Variants in KIF26B observed in about 807,000 individuals in gnomAD.
KIF26B encodes the protein kinesin family member 26B, also known as kinesin-like protein KIF26B.
KIF26B carries 63 observed loss-of-function variants against 151.2 expected under a neutral mutation model. The ratio of observed to expected loss-of-function variants is 0.42; its 90% CI spans 0.34 to 0.51. The LOEUF (loss-of-function observed/expected upper bound fraction) is 0.51, where lower values mean the gene tolerates loss of function less well. KIF26B is among the 20% of genes least tolerant of loss of function. The pLI is 0.07. For synonymous variants in KIF26B, 1,357 were observed against 1,262.1 expected (o/e 1.08, Z -1.59); for missense variants, 2,813 against 2,913.6 (o/e 0.97, Z 0.79).
intron 9 of KIF26B, among the ~76,000 whole-genome samples, chr1:245,632,114 A>C (rs2043787245): frequency 6.6e-6 from 1 of 151,906 alleles, no homozygotes; most frequent in Non-Finnish European, 1.5e-5. Context: ...GTTCCTTGAG[A>C]TGCATCATTC....
chr1:245,405,971 T>C (rs1398680226), intron 3 of KIF26B, among the ~76,000 whole-genome samples: 1 of 152,226 alleles, frequency 6.6e-6, no homozygotes, highest in Non-Finnish European at 1.5e-5. Context: ...TTTCCCAGTT[T>C]GGTAGGGAAT....
At chr1:245,575,595 T>A (rs914965950) in intron 5 of KIF26B, among the ~76,000 whole-genome samples, 1 of 152,172 alleles carries the variant, frequency 6.6e-6, no homozygotes, top group African/African-American at 2.4e-5. Context: ...ATATGTCAGG[T>A]TGCTGGAGTT....
chr1:245,447,263 C>T (rs1283252359), intron 4 of KIF26B, among the ~76,000 whole-genome samples: 1 of 152,158 alleles, frequency 6.6e-6, no homozygotes, highest in Non-Finnish European at 1.5e-5. Flanking sequence ...GTGCTAAGGA[C>T]TCATGGGTAA....
intron 2 of KIF26B, among the ~76,000 whole-genome samples, chr1:245,208,127 C>G (rs754635174): frequency 4.5e-4 from 68 of 152,198 alleles, no homozygotes; most frequent in Non-Finnish European, 7.8e-4. Flanking sequence ...CTATTCTCAC[C>G]TCTGTGCCAG....
chr1:245,698,909 A>G lies in KIF26B; in HGVS notation c.6050A>G (p.Lys2017Arg), dbSNP rs372363083. ...ASKEAMCFNA[K>R]LKILEHRQQR... ...TAGGAGGCCATGTGCTTCAATGCAAAGCTGAAGATTCTGGAACACCGCCAG... is the reference window on the plus strand; with the variant it reads ...TAGGAGGCCATGTGCTTCAATGCAAGGCTGAAGATTCTGGAACACCGCCAG... Residue 2017 changes from lysine (K) to arginine (R), a missense_variant, in exon 14 of 15, where the codon AAG becomes AGG. Physicochemically the swap from Lys to Arg is conservative, Grantham distance 26 (BLOSUM62 2). This residue lies in a region of KIF26B where 2,060 missense variants were observed against 2,088.6 expected (regional missense o/e 0.99). Coordinates refer to ENST00000407071, the MANE Select transcript of KIF26B (RefSeq NM_018012.4). The surrounding 1 kb of genome is among the most constrained non-coding windows in gnomAD (Gnocchi z 4.0). The G allele has an allele frequency of 6.2e-6, 10 of 1,613,902 alleles. No homozygotes were observed. The East Asian group carries it at 1.6e-4, about 25-fold the overall frequency.
intron 3 of KIF26B, among the ~76,000 whole-genome samples, chr1:245,403,648 G>A (rs1674062543): frequency 6.6e-6 from 1 of 151,834 alleles, no homozygotes; most frequent in African/African-American, 2.4e-5. Context: ...TGTTTCTTTG[G>A]CCTCCTCTCA....
chr1:245,322,517 T>C (rs1179451347), intron 2 of KIF26B, among the ~76,000 whole-genome samples: 1 of 152,194 alleles, frequency 6.6e-6, no homozygotes, highest in African/African-American at 2.4e-5. Flanking sequence ...TTTTTTGTGA[T>C]TGAAGAAACG....
intron 4 of KIF26B, among the ~76,000 whole-genome samples, chr1:245,478,648 C>A (rs1222203546): frequency 1.3e-5 from 2 of 151,670 alleles, no homozygotes; most frequent in Non-Finnish European, 3.0e-5. Context: ...GATCTCCTGA[C>A]TTGTGGTCCA....
chr1:245,707,939 A>C lies in KIF26B; in HGVS notation c.*5333A>C, dbSNP rs1048578298. On this transcript the variant is annotated 3_prime_UTR_variant, in exon 15 of 15. Transcript: ENST00000407071. ...CATCCAACCCCTAGTGCTACTGAAG[A>C]GGGTTTGGGAAAGCAATTGGAGTTC... The C allele has an allele frequency of 1.3e-5, 2 of 152,220 alleles. No individual in the cohort carries two copies. The highest frequency in any genetic ancestry group is 4.8e-5 in the African/African-American group (2 of 41,460). The allele number at this position is 152,220 out of a possible 1,614,324, so 9.4% of individuals were successfully genotyped here. A position where few individuals can be genotyped will look rare whatever the true frequency, so the allele number is the denominator to read the frequency against.
chr1:245,203,597 G>A (rs942096908), intron 2 of KIF26B, among the ~76,000 whole-genome samples: 2 of 152,168 alleles, frequency 1.3e-5, no homozygotes, highest in Admixed American at 6.5e-5. Context: ...TTGCCACACC[G>A]CTAGCATTTG....
intron 5 of KIF26B, among the ~76,000 whole-genome samples, chr1:245,575,614 C>A (rs1322105757): frequency 6.6e-6 from 1 of 152,178 alleles, no homozygotes; most frequent in Non-Finnish European, 1.5e-5. Context: ...TTGCTGACTG[C>A]ACTAACTTCT....
At chr1:245,576,796 T>C (rs2043122534) in intron 5 of KIF26B, among the ~76,000 whole-genome samples, 1 of 152,160 alleles carries the variant, frequency 6.6e-6, no homozygotes, top group South Asian at 2.1e-4. Flanking sequence ...GTGTATCACT[T>C]CCCTCCAGCC....
rs1164133082 is a variant in KIF26B at position 245,307,891 on chromosome 1, C to T, written c.466-58943C>T. ...AAGTAGCTGGGACTACAGGTGCCCG[C>T]CACCACGCCCGGCTAATTTTTTGTA... On this transcript the variant is annotated intron_variant, in intron 2 of 14. Coordinates refer to ENST00000407071, the MANE Select transcript of KIF26B (RefSeq NM_018012.4). Among the ~76,000 whole-genome samples, 5 of 152,278 alleles carry T rather than the reference C, an allele frequency of 3.3e-5. No homozygotes were observed. In the East Asian group the frequency reaches 9.7e-4, roughly 29 times the overall value.
At chr1:245,188,848 A>G (rs1469629793) in intron 2 of KIF26B, among the ~76,000 whole-genome samples, 2 of 152,228 alleles carry the variant, frequency 1.3e-5, no homozygotes, top group South Asian at 2.1e-4. Context: ...AATGTGGTCT[A>G]TGTATTTACA....
chr1:245,160,289 T>G (rs185383208), intron 2 of KIF26B, among the ~76,000 whole-genome samples: 87 of 152,292 alleles, frequency 5.7e-4, no homozygotes, highest in Non-Finnish European at 1.1e-3. Context: ...TGAGTGGAAG[T>G]GGTCGGATAA....
In KIF26B at chr1:245,686,507, C is replaced by T. The variant is rs202113373; in HGVS notation, c.3524C>T (p.Thr1175Met). 1.2e-4 allele frequency: 187 copies of T among 1,612,718 alleles called. 3 individuals are homozygous for T. The highest frequency in any genetic ancestry group is 2.5e-4 in the Admixed American group (15 of 60,026). ...GAGATCCTGAGCACCACGATGGTGA[C>T]GGTGCAGCAGCCACTGGAGCTGAAC... Reference protein sequence around the residue: ...KKEILSTTMVTVQQPLELNGE... With the variant: ...KKEILSTTMVMVQQPLELNGE... Residue 1175 changes from threonine (T) to methionine (M), a missense_variant, in exon 12 of 15, where the codon ACG becomes ATG. Thr to Met is a moderately conservative substitution (Grantham distance 81). Around this residue, in one of 3 missense-constraint regions of KIF26B, gnomAD observed 2,060 missense variants for 2,088.6 expected, o/e 0.99. Transcript: ENST00000407071. The surrounding 1 kb of genome is among the most constrained non-coding windows in gnomAD (Gnocchi z 5.6).
chr1:245,271,044 T>C (rs1670848738), intron 2 of KIF26B, among the ~76,000 whole-genome samples: 1 of 152,226 alleles, frequency 6.6e-6, no homozygotes, highest in Admixed American at 6.5e-5. Context: ...GCACCCTTGC[T>C]GAAGATCATT....
chr1:245,249,253 T>G (rs1297978889), intron 2 of KIF26B, among the ~76,000 whole-genome samples: 1 of 151,662 alleles, frequency 6.6e-6, no homozygotes, highest in African/African-American at 2.4e-5. Context: ...TGTGCCACCA[T>G]GCCTGGCTAA....
intron 5 of KIF26B, among the ~76,000 whole-genome samples, chr1:245,587,875 A>C (rs6702056): frequency 0.49 from 74,318 of 151,990 alleles, 19,107 homozygotes; most frequent in African/African-American, 0.66. Flanking sequence ...AGGGCTGAAG[A>C]AAAGTTAACA....
Sources: allele counts gnomAD v4.1 joint callset (sites outside exome capture counted in the v4.1 genomes callset), GRCh38; gene constraint gnomAD v4.1.1; regional missense constraint gnomAD v4.1.1; non-coding constraint Gnocchi (gnomAD v3.1); transcripts MANE v1.5; gene names NCBI Gene and HGNC (gene_info 2026-07-23, HGNC 2026-07-21).